The following CLPB variants were observed in gnomAD, a reference collection of about 807,000 sequenced individuals.
CLPB encodes the protein ClpB family mitochondrial disaggregase.
CLPB carries 40 observed loss-of-function variants against 78.4 expected under a neutral mutation model. The observed-to-expected ratio is 0.51, with a 90% confidence interval of 0.40 to 0.66. CLPB has a LOEUF of 0.66. Ranked by LOEUF, CLPB falls within the 30% of genes least tolerant of loss-of-function variation. The pLI, the probability that CLPB is intolerant of heterozygous loss-of-function variation, is 0.00. For missense variants in CLPB, 780 were observed against 886.9 expected (o/e 0.88, Z 1.53); for synonymous variants, 333 against 348.0 (o/e 0.96, Z 0.48).
intron 3 of CLPB, among the ~76,000 whole-genome samples, chr11:72,390,969 G>A (rs572166329): frequency 2.0e-5 from 3 of 152,184 alleles, no homozygotes; most frequent in Admixed American, 1.3e-4. Flanking sequence ...TATGAAACAC[G>A]ATGCAGTAGT....
At chr11:72,355,636 G>C (rs1950698906) in intron 5 of CLPB, among the ~76,000 whole-genome samples, 1 of 152,162 alleles carries the variant, frequency 6.6e-6, no homozygotes, top group African/African-American at 2.4e-5. Flanking sequence ...GGTAAACTGG[G>C]ATTCAAACCT....
intron 7 of CLPB, among the ~76,000 whole-genome samples, chr11:72,311,436 G>C (rs1331609567): frequency 6.6e-6 from 1 of 152,216 alleles, no homozygotes; most frequent in African/African-American, 2.4e-5. Flanking sequence ...GAGGTAAGCA[G>C]AACAGGGGAC....
intron 4 of CLPB, among the ~76,000 whole-genome samples, chr11:72,368,949 C>T (rs1178323766): frequency 6.6e-6 from 1 of 152,104 alleles, no homozygotes; most frequent in East Asian, 1.9e-4. Flanking sequence ...AGCATGGGGG[C>T]TCAGAATAGA....
intron 2 of CLPB, among the ~76,000 whole-genome samples, chr11:72,426,358 G>GTC (rs200441291): frequency 0.029 from 4,484 of 152,316 alleles, 110 homozygotes; most frequent in Non-Finnish European, 0.041. Flanking sequence ...TGTGCCTCTA[G>GTC]TCTGCCTTGT....
intron 3 of CLPB, among the ~76,000 whole-genome samples, chr11:72,387,150 G>C (rs1431156463): frequency 6.6e-6 from 1 of 152,118 alleles, no homozygotes; most frequent in Non-Finnish European, 1.5e-5. Flanking sequence ...AGTAAAATAA[G>C]ATTCTCCATT....
At chr11:72,320,302 C>G (rs1950022619) in intron 6 of CLPB, among the ~76,000 whole-genome samples, 1 of 152,176 alleles carries the variant, frequency 6.6e-6, no homozygotes, top group African/African-American at 2.4e-5. Flanking sequence ...GGAAACACTT[C>G]TACTTCCTGT....
chr11:72,294,924 T>C (rs1432654963), intron 12 of CLPB, among the ~76,000 whole-genome samples: 2 of 148,888 alleles, frequency 1.3e-5, no homozygotes, highest in Admixed American at 6.6e-5. Flanking sequence ...AGGGTGGGAG[T>C]TGTGTGAGGG....
intron 2 of CLPB, among the ~76,000 whole-genome samples, chr11:72,421,566 T>A (rs1384150362): frequency 6.6e-6 from 1 of 152,166 alleles, no homozygotes; most frequent in Non-Finnish European, 1.5e-5. Flanking sequence ...TACTTTACAG[T>A]GGAGGCCCCC....
chr11:72,353,156 A>C (rs562418073), intron 5 of CLPB: 1 of 152,388 alleles, frequency 6.6e-6, no homozygotes, highest in South Asian at 2.1e-4. Flanking sequence ...GGATGGCACC[A>C]CTGGAAAGGA....
At chr11:72,433,658 G>C (rs1196531229) in intron 1 of CLPB, among the ~76,000 whole-genome samples, 1 of 152,126 alleles carries the variant, frequency 6.6e-6, no homozygotes, top group Admixed American at 6.5e-5. Context: ...GGTGGCGGGG[G>C]GTAGGGGGGA....
At chr11:72,369,488 C>G (rs60549044) in intron 4 of CLPB, among the ~76,000 whole-genome samples, 14,655 of 151,758 alleles carry the variant, frequency 0.097, 1,395 homozygotes, top group African/African-American at 0.24. Context: ...GGGATGGCAA[C>G]AAGAAGAAGG....
chr11:72,376,303 A>T (rs1854696103), intron 4 of CLPB, among the ~76,000 whole-genome samples: 1 of 152,210 alleles, frequency 6.6e-6, no homozygotes, highest in African/African-American at 2.4e-5. Flanking sequence ...GGCAGTCAAT[A>T]TATATTGGTT....
chr11:72,319,313 T>C (rs1447599226), intron 6 of CLPB, among the ~76,000 whole-genome samples: 1 of 152,220 alleles, frequency 6.6e-6, no homozygotes, highest in African/African-American at 2.4e-5. Flanking sequence ...TTTCTCTCTA[T>C]AGTTCCAGTG....
intron 2 of CLPB, among the ~76,000 whole-genome samples, chr11:72,422,091 C>T (rs1007447098): frequency 6.6e-6 from 1 of 151,106 alleles, no homozygotes; most frequent in African/African-American, 2.4e-5. Flanking sequence ...CATGGTGAAA[C>T]CCCACCTCTA....
At chr11:72,323,885 T>C (rs1036428806) in intron 6 of CLPB, among the ~76,000 whole-genome samples, 1 of 152,054 alleles carries the variant, frequency 6.6e-6, no homozygotes, top group African/African-American at 2.4e-5. Flanking sequence ...AGGAAATACA[T>C]ACAAATATTT....
chr11:72,359,198 A>G (rs970707527), intron 4 of CLPB, 190 bp from the exon 5 acceptor site: 2 of 753,430 alleles, frequency 2.7e-6, no homozygotes, highest in Non-Finnish European at 4.6e-6. Context: ...TTAGTTCCAC[A>G]ATGTTTACTG....
chr11:72,322,781 G>GT (rs1275872679), intron 6 of CLPB, among the ~76,000 whole-genome samples: 2 of 152,224 alleles, frequency 1.3e-5, no homozygotes, highest in East Asian at 3.9e-4. Flanking sequence ...TAATTAAAAA[G>GT]TATCTTGTGG....
chr11:72,322,346 A>G (rs1036733835), intron 6 of CLPB, among the ~76,000 whole-genome samples: 1 of 152,240 alleles, frequency 6.6e-6, no homozygotes, highest in Non-Finnish European at 1.5e-5. Flanking sequence ...TGATGAGAGA[A>G]GGTTGAGGGG....
At chr11:72,332,138 T>C (rs117392768) in intron 5 of CLPB, among the ~76,000 whole-genome samples, 5 of 151,436 alleles carry the variant, frequency 3.3e-5, no homozygotes, top group Non-Finnish European at 7.4e-5. Context: ...ATAAATATAT[T>C]TTTTTTTATT....
Sources: gnomAD v4.1 joint callset for allele counts (sites outside exome capture counted in the v4.1 genomes callset) on GRCh38, gnomAD v4.1.1 for gene constraint, MANE v1.5 for transcripts, NCBI Gene and HGNC (gene_info 2026-07-23, HGNC 2026-07-21) for gene names.